Variants in SAMD5 observed in about 807,000 individuals in gnomAD.
SAMD5 encodes sterile alpha motif domain-containing protein 5.
In SAMD5, 13 loss-of-function variants were observed where a neutral mutation model predicts 11.3. The ratio of observed to expected loss-of-function variants is 1.15; its 90% confidence interval spans 0.75 to 1.83. The LOEUF is 1.83. Among genes scored for constraint, SAMD5 ranks in the 40% most tolerant of loss-of-function variants. The pLI is 0.00. For missense variants in SAMD5, 255 were observed against 239.1 expected (o/e 1.07, Z -0.44); for synonymous variants, 129 against 111.3 (o/e 1.16, Z -1.00).
chr6:147,753,205 T>G, the SAMD5 span, among the ~76,000 whole-genome samples: 1 of 152,174 alleles, frequency 6.6e-6, no homozygotes, highest in Non-Finnish European at 1.5e-5. Context: ...TAAACATGCA[T>G]TCACTGGGAA....
chr6:147,899,242 C>G, the SAMD5 span, among the ~76,000 whole-genome samples: 7 of 149,160 alleles, frequency 4.7e-5, no homozygotes, highest in Non-Finnish European at 7.4e-5. Context: ...TTTCCTCATG[C>G]AAGATATTAA....
intron 1 of SAMD5, among the ~76,000 whole-genome samples, chr6:147,548,876 C>G (rs921323907): frequency 5.3e-5 from 8 of 152,034 alleles, no homozygotes; most frequent in Non-Finnish European, 1.2e-4. Context: ...CTTGCATTGC[C>G]CCTCCCTGCA....
chr6:147,715,329 G>A (rs1037329163), intron 1 of SAMD5, among the ~76,000 whole-genome samples: 8 of 152,356 alleles, frequency 5.3e-5, no homozygotes, highest in African/African-American at 1.9e-4. Context: ...GCACACTGGT[G>A]GATGCAGCAG....
the SAMD5 span, among the ~76,000 whole-genome samples, chr6:147,858,530 A>C: frequency 6.6e-6 from 1 of 152,252 alleles, no homozygotes; most frequent in Admixed American, 6.5e-5. Context: ...CTTCAGAAGT[A>C]ATTAAGCAAA....
At chr6:147,942,881 G>A in the SAMD5 span, among the ~76,000 whole-genome samples, 1 of 146,312 alleles carries the variant, frequency 6.8e-6, no homozygotes, top group African/African-American at 2.5e-5. Context: ...CTTGAGTGCA[G>A]TGGCACAATC....
rs1399868603 is a variant in SAMD5, at chr6:147,592,979, T to C, written c.162+83592T>C. On this transcript the variant is annotated intron_variant, in intron 1 of 1. Transcript: ENST00000566741. ...CTTCAGGATCATGTAGTCTAGGTGT[T>C]TGATTTTTTTAACAGCTATGTGGTA... Among the ~76,000 whole-genome samples the C allele has an allele frequency of 3.3e-5, 5 of 152,230 alleles. No homozygotes were observed. In the East Asian group the frequency reaches 7.7e-4, roughly 24 times the overall value.
chr6:147,720,067 T>C (rs763747022), intron 1 of SAMD5, among the ~76,000 whole-genome samples: 2 of 152,188 alleles, frequency 1.3e-5, no homozygotes, highest in Non-Finnish European at 1.5e-5. Context: ...GATAAAGGAA[T>C]GCAGAATTGC....
Position 147,568,243 on chromosome 6 carries a change from C to A in SAMD5, c.*3787C>A, listed in dbSNP as rs1789075764. 15 of 985,272 alleles carry A rather than the reference C, an allele frequency of 1.5e-5. No homozygotes were observed. The highest frequency in any genetic ancestry group is 1.7e-5 in the Non-Finnish European group (14 of 829,910). The allele number at this position is 985,272 out of a possible 1,614,324, so 61.0% of individuals were successfully genotyped here. On this transcript the variant is annotated 3_prime_UTR_variant, in exon 2 of 2. Coordinates refer to ENST00000367474, the MANE Select transcript of SAMD5 (RefSeq NM_001030060.3). ...TCTATGAAAAGAAAAACCAGATATA[C>A]CAGGGACTGGAAAGCACCTGCTTGA... is the stretch of plus-strand genomic sequence containing the variant.
At chr6:147,906,831 A>G in the SAMD5 span, among the ~76,000 whole-genome samples, 2 of 152,200 alleles carry the variant, frequency 1.3e-5, no homozygotes, top group Non-Finnish European at 2.9e-5. Context: ...TTGACATTCC[A>G]TAGGAGAGTA....
the SAMD5 span, among the ~76,000 whole-genome samples, chr6:147,844,978 G>A: frequency 6.6e-6 from 1 of 152,084 alleles, no homozygotes; most frequent in Non-Finnish European, 1.5e-5. Flanking sequence ...ATAGCTAAAA[G>A]AGAAGCTTTC....
the SAMD5 span, among the ~76,000 whole-genome samples, chr6:147,890,361 CTT>C: frequency 3.7e-4 from 52 of 140,684 alleles, no homozygotes; most frequent in Admixed American, 1.1e-3. Context: ...TTTCAATTAT[CTT>C]TTTTTTTTTT....
At chr6:147,806,527 T>A in the SAMD5 span, among the ~76,000 whole-genome samples, 2 of 152,222 alleles carry the variant, frequency 1.3e-5, no homozygotes, top group Non-Finnish European at 2.9e-5. Flanking sequence ...ACTGAGCCTC[T>A]CTGGCATGCT....
intron 1 of SAMD5, among the ~76,000 whole-genome samples, chr6:147,690,751 A>G (rs1791089151): frequency 6.6e-6 from 1 of 152,158 alleles, no homozygotes; most frequent in Admixed American, 6.5e-5. Context: ...TCTTGTTTCA[A>G]TCTATGTGGT....
rs936039865 is a variant in SAMD5, at chr6:147,536,059, C to T, written c.459+26672C>T. 9.9e-5 allele frequency among the ~76,000 whole-genome samples: 15 copies of T among 152,012 alleles called. 1 individual carries two copies. The highest frequency in any genetic ancestry group is 2.9e-4 in the African/African-American group (12 of 41,358). On this transcript the variant is annotated intron_variant, in intron 1 of 1. Coordinates refer to ENST00000367474, the MANE Select transcript of SAMD5 (RefSeq NM_001030060.3). ...AGTGCAGTGGCACGATCTCGACTCA[C>T]TGCAAGCTCCACCTCCCGGGTTCAC...
At position 147,519,651 on chromosome 6, in the gene SAMD5, C is replaced by T. The variant is rs1345927218; in HGVS notation, c.459+10264C>T. Among the ~76,000 whole-genome samples, 7 of 152,102 alleles carry T rather than the reference C, an allele frequency of 4.6e-5. No individual in the cohort carries two copies. The East Asian group carries it at 1.3e-3, about 29-fold the overall frequency. ...ACTGTTTAACTCAAGAATATGTAGT[C>T]TCATGGGGAAGATGGGGCAGCTTTA... On this transcript the variant is annotated intron_variant, in intron 1 of 1. Transcript: ENST00000367474.
intron 1 of SAMD5, among the ~76,000 whole-genome samples, chr6:147,685,716 C>T (rs1429337643): frequency 2.0e-5 from 3 of 151,812 alleles, no homozygotes; most frequent in Non-Finnish European, 4.4e-5. Flanking sequence ...TTTCTCTCTT[C>T]TTTTTTTTGA....
the SAMD5 span, among the ~76,000 whole-genome samples, chr6:147,816,301 A>AAAAT: frequency 6.0e-5 from 4 of 66,356 alleles, no homozygotes; most frequent in East Asian, 8.9e-4. Context: ...AAAAAAAAAA[A>AAAAT]ATATATATAT....
At chr6:147,843,857 G>T in the SAMD5 span, among the ~76,000 whole-genome samples, 1 of 152,114 alleles carries the variant, frequency 6.6e-6, no homozygotes, top group Admixed American at 6.5e-5. Flanking sequence ...ATGTATTAAA[G>T]ACTTAGATGT....
intron 1 of SAMD5, among the ~76,000 whole-genome samples, chr6:147,595,744 C>T (rs975561769): frequency 2.0e-5 from 3 of 151,942 alleles, no homozygotes; most frequent in African/African-American, 7.3e-5. Context: ...CCAGGAGGGT[C>T]TCGATCTCCT....
Sources: gnomAD v4.1 joint callset for allele counts (sites outside exome capture counted in the v4.1 genomes callset) on GRCh38, gnomAD v4.1.1 for gene constraint, MANE v1.5 for transcripts, NCBI Gene and HGNC (gene_info 2026-07-23, HGNC 2026-07-21) for gene names.